LARGE1: variants seen among roughly 807,000 people sequenced by gnomAD.
LARGE1 encodes xylosyl- and glucuronyltransferase LARGE1.
Under a neutral mutation model 87.6 loss-of-function variants are expected in LARGE1, and 43 were observed. The ratio of observed to expected loss-of-function variants is 0.49; its 90% confidence interval spans 0.38 to 0.63. The LOEUF (loss-of-function observed/expected upper bound fraction) is 0.63. Among genes scored for constraint, LARGE1 ranks in the 30% least tolerant of loss-of-function variants. The pLI is 0.00. For missense variants in LARGE1, 802 were observed against 1,000.2 expected (o/e 0.80, Z 2.67); for synonymous variants, 434 against 394.6 (o/e 1.10, Z -1.18).
At chr22:33,136,817 G>A in the LARGE1 span, among the ~76,000 whole-genome samples, 7 of 152,116 alleles carry the variant, frequency 4.6e-5, no homozygotes, top group African/African-American at 1.7e-4. Flanking sequence ...TAAGTATATG[G>A]ATCAAGGCAG....
At chr22:33,250,015 C>A (rs1926942112) in intron 11 of LARGE1, among the ~76,000 whole-genome samples, 1 of 152,124 alleles carries the variant, frequency 6.6e-6, no homozygotes, top group Non-Finnish European at 1.5e-5. Context: ...GTTGGCTATT[C>A]TGAGTCTTTT....
chr22:33,657,222 A>C (rs1437784651), intron 2 of LARGE1: 1 of 152,192 alleles, frequency 6.6e-6, no homozygotes, highest in African/African-American at 2.4e-5. Context: ...GATTTCAGGA[A>C]AGCTGTCCGG....
intron 7 of LARGE1, among the ~76,000 whole-genome samples, chr22:33,391,399 C>G (rs1466769868): frequency 6.6e-6 from 1 of 152,008 alleles, no homozygotes; most frequent in Non-Finnish European, 1.5e-5. Flanking sequence ...AGCTGGGGTA[C>G]AGGTAAACTG....
At chr22:33,387,981 G>C (rs1479424879) in intron 7 of LARGE1, among the ~76,000 whole-genome samples, 4 of 152,134 alleles carry the variant, frequency 2.6e-5, no homozygotes, top group Non-Finnish European at 4.4e-5. Flanking sequence ...ATTCCCAGGG[G>C]TCTGTGTTTT....
chr22:33,257,132 G>A (rs1191664189), intron 11 of LARGE1, among the ~76,000 whole-genome samples: 4 of 152,170 alleles, frequency 2.6e-5, no homozygotes, highest in African/African-American at 9.7e-5. Flanking sequence ...TTGAACCCAG[G>A]AAGTGGAGGT....
At chr22:33,493,249 C>T (rs2069942340) in intron 6 of LARGE1, among the ~76,000 whole-genome samples, 1 of 151,180 alleles carries the variant, frequency 6.6e-6, no homozygotes, top group Admixed American at 6.6e-5. Context: ...CAACCTTCAC[C>T]TCCCGGGTTC....
At chr22:33,265,778 G>A (rs4821138) in intron 11 of LARGE1, among the ~76,000 whole-genome samples, 58,235 of 152,082 alleles carry the variant, frequency 0.38, 13,141 homozygotes, top group South Asian at 0.53. Context: ...TGCCAGACAC[G>A]CTGTTAAGGC....
chr22:33,687,553 A>G (rs2081981200), intron 2 of LARGE1, among the ~76,000 whole-genome samples: 1 of 152,158 alleles, frequency 6.6e-6, no homozygotes, highest in Non-Finnish European at 1.5e-5. Flanking sequence ...CACGAAGCAG[A>G]CATTTGTTGA....
chr22:33,289,180 G>A lies in LARGE1; in HGVS notation c.1731-5832C>T, dbSNP rs142345471. Among the ~76,000 whole-genome samples the A allele has an allele frequency of 9.1e-3, 1,381 of 152,126 alleles. 21 individuals are homozygous for A. Among genetic ancestry groups the A allele is most frequent in the South Asian group, 0.053 (255 of 4,810 alleles). ...TCACCGTGTTAGCCAGGATGGTCTCGATCTCCTGACCTCGTGATCTGCCTG... is the reference window on the plus strand; with the variant it reads ...TCACCGTGTTAGCCAGGATGGTCTCAATCTCCTGACCTCGTGATCTGCCTG... On this transcript the variant is annotated intron_variant, in intron 12 of 14. Transcript: ENST00000397394.
rs547540264 is a variant in LARGE1, at chr22:33,572,119, T to C, written c.616-7100A>G. 83 of 887,730 alleles carry C rather than the reference T, an allele frequency of 9.3e-5. No individual in the cohort carries two copies. In the Middle Eastern group the frequency reaches 1.5e-3, roughly 17 times the overall value. The allele number at this position is 887,730 out of a possible 1,614,324, so 55.0% of individuals were successfully genotyped here. ...GCTCTCCTCTGCCATACTGGAAATA[T>C]TTTTTGCTCAAAATAGATTGCTTAC... On this transcript the variant is annotated intron_variant, in intron 5 of 14. Transcript: ENST00000397394.
chr22:33,636,436 C>T (rs1055506999), intron 3 of LARGE1, among the ~76,000 whole-genome samples: 2 of 152,136 alleles, frequency 1.3e-5, no homozygotes, highest in Admixed American at 6.5e-5. Flanking sequence ...ATTGCTCTGA[C>T]CCTTCACCTC....
chr22:33,680,625 T>A (rs1199034547), intron 2 of LARGE1, among the ~76,000 whole-genome samples: 2 of 152,166 alleles, frequency 1.3e-5, no homozygotes, highest in African/African-American at 4.8e-5. Context: ...TGGTTTCCAA[T>A]GAACAGACTG....
chr22:33,205,053 C>T (rs947219539), intron 11 of LARGE1, among the ~76,000 whole-genome samples: 2 of 152,056 alleles, frequency 1.3e-5, no homozygotes, highest in Admixed American at 6.6e-5. Flanking sequence ...AATAGCTTTA[C>T]CAGTCTGTGT....
rs115962113 is a variant in LARGE1 at position 33,376,566 on chromosome 22, G to A, written c.1131+5353C>T. Among the ~76,000 whole-genome samples, 601 of 152,260 alleles carry A rather than the reference G, an allele frequency of 3.9e-3. 3 individuals are homozygous for A. The highest frequency in any genetic ancestry group is 0.014 in the African/African-American group (581 of 41,542). ...CATGCTGTAGACAGCTTTTTTTCAA[G>A]ATGTCAGAACAAGGCTCTATATCAT... is the stretch of plus-strand genomic sequence containing the variant. On this transcript the variant is annotated intron_variant, in intron 9 of 14. Coordinates refer to ENST00000397394, the MANE Select transcript of LARGE1 (RefSeq NM_133642.5).
At position 33,435,975 on chromosome 22, in the gene LARGE1, G is replaced by T. The variant is rs963838745; in HGVS notation, c.788-3710C>A. Among the ~76,000 whole-genome samples the T allele has an allele frequency of 8.5e-5, 13 of 152,200 alleles. 1 individual carries two copies. Among genetic ancestry groups the T allele is most frequent in the Admixed American group, 8.5e-4 (13 of 15,280 alleles). On this transcript the variant is annotated intron_variant, in intron 6 of 14. Transcript: ENST00000397394. Reference sequence around the variant, plus strand: ...AGCTGCCATATCAATGATCAAAACAGTAGTAAGGGTAAGCGATGTTGCTTA... The same window carrying T: ...AGCTGCCATATCAATGATCAAAACATTAGTAAGGGTAAGCGATGTTGCTTA...
At chr22:33,788,003 C>G (rs984412828) in intron 1 of LARGE1, among the ~76,000 whole-genome samples, 1 of 152,164 alleles carries the variant, frequency 6.6e-6, no homozygotes, top group Admixed American at 6.6e-5. Context: ...TGAAACCCTG[C>G]CCAGTAAAGT....
chr22:33,209,821 T>A (rs1319143433), intron 11 of LARGE1, among the ~76,000 whole-genome samples: 2 of 152,182 alleles, frequency 1.3e-5, no homozygotes, highest in East Asian at 3.9e-4. Context: ...ATTGTATTTT[T>A]ATTTTTCTGT....
chr22:33,106,821 A>G, the LARGE1 span, among the ~76,000 whole-genome samples: 1 of 152,148 alleles, frequency 6.6e-6, no homozygotes, highest in African/African-American at 2.4e-5. Context: ...AATAGCAAAA[A>G]CCGCAATTAC....
the LARGE1 span, among the ~76,000 whole-genome samples, chr22:33,108,051 A>T: frequency 1.3e-5 from 2 of 152,170 alleles, no homozygotes. Flanking sequence ...TATATTCATA[A>T]AGCAAACGCT....
Sources: allele counts gnomAD v4.1 joint callset (sites outside exome capture counted in the v4.1 genomes callset), GRCh38; gene constraint gnomAD v4.1.1; transcripts MANE v1.5; gene names NCBI Gene and HGNC (gene_info 2026-07-23, HGNC 2026-07-21).